HUNK: variants seen among roughly 807,000 people sequenced by gnomAD.
The protein encoded by HUNK is hormonally up-regulated neu tumor-associated kinase.
Under a neutral mutation model 61.0 loss-of-function variants are expected in HUNK, and 21 were observed. That is an observed-to-expected ratio of 0.34 (90% confidence interval 0.24 to 0.50). The LOEUF (loss-of-function observed/expected upper bound fraction) is 0.50, where lower values mean the gene tolerates loss of function less well. HUNK is among the 20% of genes least tolerant of loss of function. HUNK has a pLI of 0.98. For missense variants in HUNK, 772 were observed against 945.7 expected (o/e 0.82, Z 2.41); for synonymous variants, 371 against 386.1 (o/e 0.96, Z 0.46).
At chr21:31,879,694 A>G (rs914629450) in intron 1 of HUNK, among the ~76,000 whole-genome samples, 19 of 152,166 alleles carry the variant, frequency 1.2e-4, no homozygotes, top group African/African-American at 4.3e-4. Context: ...CGCGGCAATC[A>G]TCTGTCCCAG....
At chr21:31,879,374 G>T (rs551524065) in intron 1 of HUNK, among the ~76,000 whole-genome samples, 30 of 152,328 alleles carry the variant, frequency 2.0e-4, no homozygotes, top group African/African-American at 7.2e-4. Flanking sequence ...TAATTTCGAG[G>T]ATTGCATTCT....
At chr21:31,932,815 C>T (rs763825245) in intron 2 of HUNK, among the ~76,000 whole-genome samples, 17 of 152,002 alleles carry the variant, frequency 1.1e-4, no homozygotes, top group Non-Finnish European at 2.5e-4. Flanking sequence ...GTTGGTATAT[C>T]GGTGTTGCCT....
intron 1 of HUNK, among the ~76,000 whole-genome samples, chr21:31,921,737 G>A (rs1212451732): frequency 6.6e-6 from 1 of 152,200 alleles, no homozygotes; most frequent in African/African-American, 2.4e-5. Context: ...CCTGGGGGTG[G>A]CCAGACTTTT....
intron 1 of HUNK, among the ~76,000 whole-genome samples, chr21:31,904,657 A>G (rs1010758220): frequency 6.6e-6 from 1 of 151,842 alleles, no homozygotes; most frequent in Admixed American, 6.6e-5. Flanking sequence ...TTTTAGATCT[A>G]TTTCTTTTTT....
At chr21:31,875,795 G>C (rs530793236) in intron 1 of HUNK, among the ~76,000 whole-genome samples, 1 of 152,196 alleles carries the variant, frequency 6.6e-6, no homozygotes, top group East Asian at 1.9e-4. Flanking sequence ...TGCTCACAAC[G>C]TCATGGCAAA....
At chr21:31,904,030 G>A (rs1601368693) in intron 1 of HUNK, among the ~76,000 whole-genome samples, 1 of 151,964 alleles carries the variant, frequency 6.6e-6, no homozygotes, top group Admixed American at 6.6e-5. Context: ...TTCTCATCCA[G>A]TAGTTACAGT....
At chr21:31,957,717 A>G (rs1301601678) in intron 4 of HUNK, among the ~76,000 whole-genome samples, 1 of 152,190 alleles carries the variant, frequency 6.6e-6, no homozygotes, top group East Asian at 1.9e-4. Context: ...TATTCTGTAG[A>G]TTGGCTTTGG....
intron 1 of HUNK, among the ~76,000 whole-genome samples, chr21:31,913,241 C>T (rs1367425835): frequency 6.6e-6 from 1 of 152,042 alleles, no homozygotes; most frequent in Non-Finnish European, 1.5e-5. Flanking sequence ...GGGAAGCAAA[C>T]TGTAACCTGA....
rs946384386 is a variant in HUNK at position 31,971,278 on chromosome 21, C to T, written c.1010+2893C>T. 6.6e-5 allele frequency among the ~76,000 whole-genome samples: 10 copies of T among 151,848 alleles called. No individual in the cohort carries two copies. The East Asian group carries it at 1.9e-3, about 29-fold the overall frequency. ...GTAGAGATGAGGTTTCACCATGTTG[C>T]CCAGGCTGGTCATAAACTCCTGGCC... On this transcript the variant is annotated intron_variant, in intron 6 of 10. Coordinates refer to ENST00000270112, the MANE Select transcript of HUNK (RefSeq NM_014586.2).
At chr21:31,967,584 A>G (rs1485317655) in intron 5 of HUNK, among the ~76,000 whole-genome samples, 1 of 151,922 alleles carries the variant, frequency 6.6e-6, no homozygotes, top group African/African-American at 2.4e-5. Flanking sequence ...ATTTTTGGCC[A>G]GGCGTGGTGG....
intron 7 of HUNK, among the ~76,000 whole-genome samples, chr21:31,981,674 A>T (rs956057139): frequency 1.3e-5 from 2 of 152,124 alleles, no homozygotes; most frequent in Non-Finnish European, 1.5e-5. Context: ...TTGTTAGTGT[A>T]TGAAAACACT....
chr21:31,979,668 A>G (rs1267534446), intron 7 of HUNK, among the ~76,000 whole-genome samples: 2 of 150,326 alleles, frequency 1.3e-5, no homozygotes, highest in African/African-American at 4.9e-5. Flanking sequence ...GGCACCTGCC[A>G]CCTCACCTGG....
intron 5 of HUNK, among the ~76,000 whole-genome samples, chr21:31,961,380 A>G (rs1342050138): frequency 6.6e-6 from 1 of 152,120 alleles, no homozygotes; most frequent in Non-Finnish European, 1.5e-5. Context: ...AGTTTTTCTG[A>G]GAATATGGTT....
chr21:31,934,442 C>CAAAA lies in HUNK; in HGVS notation c.555-5705_555-5702dup, dbSNP rs35817125. Among the ~76,000 whole-genome samples the CAAAA allele has an allele frequency of 8.7e-4, 77 of 88,782 alleles. 2 individuals are homozygous for CAAAA. Among genetic ancestry groups the CAAAA allele is most frequent in the South Asian group, 2.7e-3 (7 of 2,636 alleles). The allele number at this position is 88,782 out of a possible 152,430, so 58.2% of individuals were successfully genotyped here. A position where few individuals can be genotyped will look rare whatever the true frequency, so the allele number is the denominator to read the frequency against. On this transcript the variant is annotated intron_variant, in intron 2 of 10. Transcript: ENST00000270112. ...TGGGCAACAGAGTGAGACTCTGCCT[C>CAAAA]AAAAAAAAAAAAAAAAAAAAATACA...
chr21:31,971,605 T>C (rs544209628), intron 6 of HUNK, among the ~76,000 whole-genome samples: 45 of 152,310 alleles, frequency 3.0e-4, no homozygotes, highest in African/African-American at 1.1e-3. Context: ...ATTTTAAGTG[T>C]TGTCAATATT....
intron 1 of HUNK, among the ~76,000 whole-genome samples, chr21:31,916,109 G>T (rs1020656222): frequency 2.3e-5 from 3 of 132,896 alleles, no homozygotes; most frequent in African/African-American, 8.6e-5. Context: ...GGAGTGCAGC[G>T]GCGCGATCTC....
chr21:32,000,749 C>G lies in HUNK; in HGVS notation c.*1565C>G, dbSNP rs1224569802. On this transcript the variant is annotated 3_prime_UTR_variant, in exon 11 of 11. Coordinates refer to ENST00000270112, the MANE Select transcript of HUNK (RefSeq NM_014586.2). ...CTTGCCAGAAGGCAGAGAGGCAGTT[C>G]TGAATCATTCTCTCATTCACCAGTG... is the stretch of plus-strand genomic sequence containing the variant. 2.5e-6 allele frequency: 1 copy of G among 398,538 alleles called. No homozygotes were observed. Among genetic ancestry groups the G allele is most frequent in the Non-Finnish European group, 4.4e-6 (1 of 226,088 alleles). 24.7% of individuals were successfully genotyped at this position (398,538 alleles called of 1,614,324 possible). A position where few individuals can be genotyped will look rare whatever the true frequency, so the allele number is the denominator to read the frequency against.
intron 1 of HUNK, among the ~76,000 whole-genome samples, chr21:31,912,023 T>C (rs2833554): frequency 0.17 from 26,599 of 152,168 alleles, 2,763 homozygotes; most frequent in South Asian, 0.25. Context: ...ACCTACTTTC[T>C]AGCATTGGCA....
chr21:31,922,681 G>T (rs769248101), intron 1 of HUNK, among the ~76,000 whole-genome samples: 1 of 152,206 alleles, frequency 6.6e-6, no homozygotes, highest in Non-Finnish European at 1.5e-5. Context: ...TCACCATGCT[G>T]TACATTGGAT....
Sources: allele counts gnomAD v4.1 joint callset (sites outside exome capture counted in the v4.1 genomes callset), GRCh38; gene constraint gnomAD v4.1.1; transcripts MANE v1.5; gene names NCBI Gene and HGNC (gene_info 2026-07-23, HGNC 2026-07-21).